CPNE3: variants seen among roughly 807,000 people sequenced by gnomAD.
The protein encoded by CPNE3 is copine 3.
A neutral mutation model predicts 63.9 loss-of-function variants in CPNE3; 68 were observed. That is an observed-to-expected ratio of 1.06 (90% confidence interval 0.87 to 1.30). The LOEUF (loss-of-function observed/expected upper bound fraction) is 1.30, where lower values mean the gene tolerates loss of function less well. Among genes scored for constraint, CPNE3 ranks in the 50% most tolerant of loss-of-function variants. CPNE3 has a pLI of 0.00. For missense variants in CPNE3, 665 were observed against 578.1 expected, an observed-to-expected ratio of 1.15 and a Z score of -1.54; for synonymous variants, 219 against 197.5, an observed-to-expected ratio of 1.11 and a Z score of -0.91.
intron 14 of CPNE3, among the ~76,000 whole-genome samples, chr8:86,551,801 G>T (rs1376037589): frequency 1.3e-5 from 2 of 152,000 alleles, no homozygotes; most frequent in Non-Finnish European, 2.9e-5. Flanking sequence ...GCAAATATTT[G>T]TCTTTCATTT....
intron 2 of CPNE3, among the ~76,000 whole-genome samples, chr8:86,525,824 A>G (rs187303389): frequency 6.6e-6 from 1 of 152,182 alleles, no homozygotes; most frequent in East Asian, 1.9e-4. Flanking sequence ...TTCTATGTTC[A>G]TCCACAGGGC....
At chr8:86,528,138 C>T (rs1375111237) in intron 2 of CPNE3, among the ~76,000 whole-genome samples, 17 of 151,422 alleles carry the variant, frequency 1.1e-4, no homozygotes, top group East Asian at 1.9e-4. Context: ...TTAGTAGAGA[C>T]GAGGTCTTGC....
chr8:86,546,656 G>C lies in CPNE3; in HGVS notation c.794G>C (p.Gly265Ala). ...RQKKKSYKNS[G>A]VISVKQCEIT... ...AAGAAAAAAAGCTACAAGAATTCAG[G>C]TGTTATCAGTGTGAAACAGTGTGAG... The change falls in exon 10 of 17, where the codon GGT becomes GCT. Residue 265 changes from glycine to alanine, a missense_variant. Transcript: ENST00000517490. 2 of 1,613,572 alleles carry C rather than the reference G, an allele frequency of 1.2e-6. No homozygotes were observed. Among genetic ancestry groups the C allele is most frequent in the South Asian group, 2.2e-5 (2 of 90,926 alleles).
chr8:86,521,504 CTAAG>C (rs763342215), intron 2 of CPNE3: 2 of 152,128 alleles, frequency 1.3e-5, no homozygotes, highest in Admixed American at 6.5e-5. Context: ...TGCTGTTATA[CTAAG>C]TAACTATTTT....
chr8:86,536,550 G>A (rs1439583487), intron 6 of CPNE3, among the ~76,000 whole-genome samples: 1 of 151,858 alleles, frequency 6.6e-6, no homozygotes, highest in Non-Finnish European at 1.5e-5. Flanking sequence ...TATCTTATTT[G>A]CTTGACATTA....
Position 86,558,867 on chromosome 8 carries a change from A to C in CPNE3, c.*457A>C, listed in dbSNP as rs935574366. On this transcript the variant is annotated 3_prime_UTR_variant, in exon 17 of 17. Coordinates refer to ENST00000517490, the MANE Select transcript of CPNE3 (RefSeq NM_003909.5). ...AGCTTCTTAAATTATATGATATCAA[A>C]TTTGTTCCTGTAACTCTGTATACAG... is the stretch of plus-strand genomic sequence containing the variant. The C allele has an allele frequency of 3.7e-5, 6 of 162,804 alleles. No homozygotes were observed. The highest frequency in any genetic ancestry group is 1.4e-5 in the Non-Finnish European group (1 of 73,226). 10.1% of individuals were successfully genotyped at this position (162,804 alleles called of 1,614,324 possible).
intron 7 of CPNE3, among the ~76,000 whole-genome samples, chr8:86,539,350 C>G (rs1372078214): frequency 6.6e-6 from 1 of 152,156 alleles, no homozygotes; most frequent in African/African-American, 2.4e-5. Context: ...TTAATAAGCC[C>G]TATTCCTGCA....
chr8:86,559,348 T>G lies in CPNE3; in HGVS notation c.*938T>G, dbSNP rs1255356862. ...CGTTTCCTTCTAACTAATGAAAAAC[T>G]GCTTACTAAAAAAAAATTTTATACT... is the stretch of plus-strand genomic sequence containing the variant. On this transcript the variant is annotated 3_prime_UTR_variant, in exon 17 of 17. Coordinates refer to ENST00000517490, the MANE Select transcript of CPNE3 (RefSeq NM_003909.5). 6.6e-6 allele frequency: 1 copy of G among 152,158 alleles called. No individual in the cohort carries two copies. Among genetic ancestry groups the G allele is most frequent in the East Asian group, 1.9e-4 (1 of 5,194 alleles). The allele number at this position is 152,158 out of a possible 1,614,324, so 9.4% of individuals were successfully genotyped here. A position where few individuals can be genotyped will look rare whatever the true frequency, so the allele number is the denominator to read the frequency against.
intron 2 of CPNE3, among the ~76,000 whole-genome samples, chr8:86,519,377 C>T (rs1820382580): frequency 6.6e-6 from 1 of 152,178 alleles, no homozygotes; most frequent in South Asian, 2.1e-4. Context: ...AGTGATCACA[C>T]CTGTTAATTC....
chr8:86,529,166 T>TA, intron 4 of CPNE3, 42 bp downstream of exon 4: 1 of 1,519,506 alleles, frequency 6.6e-7, no homozygotes, highest in Non-Finnish European at 8.9e-7. Context: ...GTCTAAATTT[T>TA]AATCAATGAA....
chr8:86,550,548 T>TGG (rs755646088), intron 12 of CPNE3, among the ~76,000 whole-genome samples: 4 of 152,212 alleles, frequency 2.6e-5, no homozygotes, highest in Non-Finnish European at 5.9e-5. Flanking sequence ...GGATACTCAG[T>TGG]GGCTATTCAT....
chr8:86,529,085 T>A lies in CPNE3; in HGVS notation c.273T>A (p.Asp91Glu). Residue 91 changes from aspartate to glutamate, a missense_variant, in exon 4 of 17, where the codon GAT becomes GAA. Coordinates refer to ENST00000517490, the MANE Select transcript of CPNE3 (RefSeq NM_003909.5). ...ACAACAAAACTATTGAGCTGAGTGA[T>A]GATGACTTCTTAGGGGAATGTGAAT... The part of the protein sequence containing the change: ...DIDNKTIELS[D>E]DDFLGECECT... 6.2e-7 allele frequency: 1 copy of A among 1,614,060 alleles called. No individual in the cohort carries two copies. The highest frequency in any genetic ancestry group is 2.2e-5 in the East Asian group (1 of 44,852).
chr8:86,535,051 C>A (rs557912519), intron 6 of CPNE3, among the ~76,000 whole-genome samples: 3 of 147,686 alleles, frequency 2.0e-5, no homozygotes, highest in Non-Finnish European at 4.6e-5. Context: ...TTTAACACAA[C>A]TCCAGGAGTC....
In CPNE3 at chr8:86,544,746, T is replaced by C; in HGVS notation, c.640T>C (p.Cys214Arg). Residue 214 changes from cysteine (C) to arginine (R), a missense_variant, in exon 9 of 17, where the codon TGT (cysteine) becomes CGT (arginine). Cys to Arg is a radical substitution (Grantham distance 180). Coordinates refer to ENST00000517490, the MANE Select transcript of CPNE3 (RefSeq NM_003909.5). ...TTATTATATTTAATTTCAGGTGGAG[T>C]GTTATGATTATGACAATGATGGGTC... Reference protein sequence around the residue: ...GDMDKTIKVECYDYDNDGSHD... With the variant: ...GDMDKTIKVERYDYDNDGSHD... The C allele has an allele frequency of 6.9e-7, 1 of 1,454,470 alleles. No individual in the cohort carries two copies. Among genetic ancestry groups the C allele is most frequent in the Non-Finnish European group, 9.2e-7 (1 of 1,089,978 alleles). 90.1% of individuals were successfully genotyped at this position (1,454,470 alleles called of 1,614,324 possible).
intron 2 of CPNE3, among the ~76,000 whole-genome samples, chr8:86,524,383 T>A (rs182749993): frequency 2.1e-3 from 326 of 152,288 alleles, no homozygotes; most frequent in African/African-American, 7.3e-3. Context: ...TAATATTGAT[T>A]CAGAACGTTA....
chr8:86,519,992 G>A (rs928906044), intron 2 of CPNE3, among the ~76,000 whole-genome samples: 2 of 152,110 alleles, frequency 1.3e-5, no homozygotes, highest in African/African-American at 2.4e-5. Context: ...GATTACAGGC[G>A]TGAGCCACCG....
rs568270610 is a variant in CPNE3 at position 86,547,447 on chromosome 8, A to T, written c.820-264A>T. ...CCTCAACATATTGGATTCATTACTA[A>T]TATCTTAAAACTTAAAATGAGTGTA... On this transcript the variant is annotated intron_variant, in intron 10 of 16. Transcript: ENST00000517490. 6 of 335,582 alleles carry T rather than the reference A, an allele frequency of 1.8e-5. No homozygotes were observed. In the East Asian group the frequency reaches 3.8e-4, roughly 21 times the overall value. 20.8% of individuals were successfully genotyped at this position (335,582 alleles called of 1,614,324 possible).
chr8:86,549,028 G>T (rs1321337401), intron 12 of CPNE3, among the ~76,000 whole-genome samples: 6 of 152,142 alleles, frequency 3.9e-5, no homozygotes, highest in Non-Finnish European at 8.8e-5. Context: ...GTTTTGAAAA[G>T]ATTTAAATAG....
At chr8:86,553,050 G>C (rs1191380762) in intron 14 of CPNE3, among the ~76,000 whole-genome samples, 1 of 143,240 alleles carries the variant, frequency 7.0e-6, no homozygotes, top group Non-Finnish European at 1.5e-5. Context: ...TTTTAGTAAA[G>C]ACAGGGTTTC....
Sources: gnomAD v4.1 joint callset for allele counts (sites outside exome capture counted in the v4.1 genomes callset) on GRCh38, gnomAD v4.1.1 for gene constraint, MANE v1.5 for transcripts, NCBI Gene and HGNC (gene_info 2026-07-23, HGNC 2026-07-21) for gene names.